The following OTUD5 variants were observed in gnomAD, a reference collection of about 807,000 sequenced individuals.
The protein encoded by OTUD5 is OTU deubiquitinase 5.
A neutral mutation model predicts 36.3 loss-of-function variants in OTUD5; 2 were observed. The observed-to-expected ratio is 0.06, with a 90% CI of 0.02 to 0.17. The LOEUF (loss-of-function observed/expected upper bound fraction) is 0.17, where lower values mean the gene tolerates loss of function less well. Among genes scored for constraint, OTUD5 ranks in the 10% least tolerant of loss-of-function variants. The probability of loss-of-function intolerance (pLI) is 1.00; values close to 1 mark genes in which losing one functional copy is unlikely to be tolerated. For synonymous variants in OTUD5, 234 were observed against 214.9 expected, an observed-to-expected ratio of 1.09 and a Z score of -0.78; for missense variants, 233 against 512.3, an observed-to-expected ratio of 0.45 and a Z score of 5.26.
intron 1 of OTUD5, among the ~76,000 whole-genome samples, chrX:48,946,144 A>G (rs982153884): frequency 8.9e-6 from 1 of 111,913 alleles, no homozygotes; most frequent in Non-Finnish European, 1.9e-5. Context: ...TCCCCTAAGA[A>G]AGCCAGAGGA....
intron 1 of OTUD5, among the ~76,000 whole-genome samples, chrX:48,950,770 G>A (rs1190754417): frequency 9.2e-6 from 1 of 109,059 alleles, no homozygotes; most frequent in East Asian, 2.9e-4. Flanking sequence ...TACTATCTTG[G>A]CCAGGCTGGT....
intron 2 of OTUD5, chrX:48,940,596 G>A (rs1044990440): frequency 1.8e-5 from 2 of 112,162 alleles, no homozygotes; most frequent in Non-Finnish European, 3.8e-5. Flanking sequence ...AAACAACCAT[G>A]TGGCCTTCAC....
chrX:48,954,835 G>A (rs1363396603), intron 1 of OTUD5, among the ~76,000 whole-genome samples: 4 of 112,365 alleles, frequency 3.6e-5, no homozygotes, highest in African/African-American at 1.3e-4. Context: ...GGTTTCAGAA[G>A]GGAGGCTCCA....
At chrX:48,933,455 G>T (rs782218223) in intron 5 of OTUD5, among the ~76,000 whole-genome samples, 1 of 102,610 alleles carries the variant, frequency 9.7e-6, no homozygotes, top group African/African-American at 3.6e-5. Context: ...TCATTCTGTC[G>T]CCCAAGCTGG....
rs1271874665 is a variant in OTUD5 at position 48,923,984 on chromosome X, A to G, written c.1332T>C (p.Thr444=). The part of the protein sequence containing the change: ...AAASSGLEEW[T]SRSPRQRSSA... ...AACTCCGCTGCCGCGGGGACCGGCT[A>G]GTCCACTCCTCCAGGCCACTGGAGG... Residue 444 remains threonine, a synonymous_variant, in exon 7 of 9, where the codon ACT becomes ACC. Transcript: ENST00000376488. The G allele has an allele frequency of 5.0e-6, 6 of 1,208,157 alleles. No individual in the cohort carries two copies. The African/African-American group carries it at 8.7e-5, about 18-fold the overall frequency.
rs782167340 is a variant in OTUD5, at chrX:48,955,237, T to G, written c.594+1740A>C. On this transcript the variant is annotated intron_variant, in intron 1 of 8. Transcript: ENST00000376488. Reference sequence around the variant, plus strand: ...CTAAATGACCCCTAAGACTAGGGTGTATGTAAGTTGTCTGAGGTGAGGTGA... The same window carrying G: ...CTAAATGACCCCTAAGACTAGGGTGGATGTAAGTTGTCTGAGGTGAGGTGA... Among the ~76,000 whole-genome samples, 4 of 111,508 alleles carry G rather than the reference T, an allele frequency of 3.6e-5. No homozygotes were observed. In the East Asian group the frequency reaches 1.1e-3, roughly 32 times the overall value.
chrX:48,954,680 A>C (rs2064205439), intron 1 of OTUD5, among the ~76,000 whole-genome samples: 1 of 111,534 alleles, frequency 9.0e-6, no homozygotes, highest in South Asian at 3.7e-4. Context: ...GTGGGAGGAG[A>C]ATTTCCCCAG....
chrX:48,924,902 G>C (rs2063639888), intron 6 of OTUD5, among the ~76,000 whole-genome samples: 1 of 111,700 alleles, frequency 9.0e-6, no homozygotes, highest in Non-Finnish European at 1.9e-5. Context: ...CGGGGATCTT[G>C]GTCTGCTGGG....
intron 6 of OTUD5, among the ~76,000 whole-genome samples, chrX:48,925,293 A>C (rs2063648795): frequency 9.3e-6 from 1 of 107,792 alleles, no homozygotes; most frequent in Non-Finnish European, 1.9e-5. Flanking sequence ...AAAAAAAAAA[A>C]AAAAAACTCA....
At chrX:48,938,122 A>C (rs181553626) in intron 2 of OTUD5, among the ~76,000 whole-genome samples, 6 of 112,167 alleles carry the variant, frequency 5.3e-5, no homozygotes. Context: ...TAAAATGTAA[A>C]ATACCACCTT....
At chrX:48,957,608 G>A (rs781856411), upstream of OTUD5, 52 of 810,378 alleles carry the variant, frequency 6.4e-5, no homozygotes, top group African/African-American at 9.0e-4. Context: ...AACCCGGCGC[G>A]GGGCACGCCG....
rs139351066 is a variant in OTUD5 at position 48,941,893 on chromosome X, T to C, written c.688+2297A>G. Among the ~76,000 whole-genome samples the C allele has an allele frequency of 8.9e-3, 989 of 111,600 alleles. 7 individuals are homozygous for C. The highest frequency in any genetic ancestry group is 0.031 in the South Asian group (84 of 2,697). On this transcript the variant is annotated intron_variant, in intron 2 of 8. Coordinates refer to ENST00000376488, the MANE Select transcript of OTUD5 (RefSeq NM_001136157.2). The stretch of plus-strand genomic sequence containing the variant: ...ACCAAGGAAACCTCCAGATAAGGTC[T>C]AGAGACCAAGGGCCATGTACTTCGG...
At position 48,951,742 on chromosome X, in the gene OTUD5, A is replaced by T. The variant is rs183773478; in HGVS notation, c.594+5235T>A. Among the ~76,000 whole-genome samples the T allele has an allele frequency of 6.2e-5, 7 of 112,135 alleles. No individual in the cohort carries two copies. In the Admixed American group the frequency reaches 6.6e-4, roughly 11 times the overall value. On this transcript the variant is annotated intron_variant, in intron 1 of 8. Transcript: ENST00000376488. ...GCCCCAACATTTGGCTAGGCCACTGAGGGCAGGGGGATTAAAAACCTCTAA... is the reference window on the plus strand; with the variant it reads ...GCCCCAACATTTGGCTAGGCCACTGTGGGCAGGGGGATTAAAAACCTCTAA...
intron 2 of OTUD5, among the ~76,000 whole-genome samples, chrX:48,936,643 T>C (rs2063834452): frequency 1.8e-5 from 2 of 111,370 alleles, no homozygotes. Flanking sequence ...CACACTGGGC[T>C]CCCACAGAAG....
intron 1 of OTUD5, among the ~76,000 whole-genome samples, chrX:48,955,065 GCCCCCAGT>G (rs2064212889): frequency 9.0e-6 from 1 of 111,728 alleles, no homozygotes; most frequent in African/African-American, 3.3e-5. Flanking sequence ...TGGGAGCCAG[GCCCCCAGT>G]CCCTAAGGCA....
chrX:48,934,774 T>C lies in OTUD5; in HGVS notation c.847A>G (p.Ile283Val). 1 of 1,209,242 alleles carries C rather than the reference T, an allele frequency of 8.3e-7. No individual in the cohort carries two copies. Among genetic ancestry groups the C allele is most frequent in the Non-Finnish European group, 1.1e-6 (1 of 893,243 alleles). The change falls in exon 4 of 9, where the codon ATT (isoleucine) becomes GTT (valine). Residue 283 changes from isoleucine to valine, a missense_variant. Physicochemically the swap from Ile to Val is conservative, Grantham distance 29 (BLOSUM62 3). Transcript: ENST00000376488. Reference sequence around the variant, plus strand: ...ATCTCTGCCATGGCCTGCATCTCAATGTGGTTGCCATGGCAATTGTTTTTC... The same window carrying C: ...ATCTCTGCCATGGCCTGCATCTCAACGTGGTTGCCATGGCAATTGTTTTTC... The part of the protein sequence containing the change: ...KRKNNCHGNH[I>V]EMQAMAEMYN...
At chrX:48,931,778 T>TAA (rs782091153) in intron 5 of OTUD5, among the ~76,000 whole-genome samples, 2 of 81,239 alleles carry the variant, frequency 2.5e-5, no homozygotes, top group African/African-American at 4.6e-5. Flanking sequence ...AACTCTGCCT[T>TAA]AAAAAAAAAA....
intron 5 of OTUD5, 87 bp from the exon 6 acceptor site, chrX:48,926,137 GGCCCC>G: frequency 1.4e-6 from 1 of 710,225 alleles, no homozygotes. Context: ...TAGGCCCACA[GGCCCC>G]AGAAAAAAAA....
intron 6 of OTUD5, among the ~76,000 whole-genome samples, chrX:48,924,780 C>T (rs782425263): frequency 8.9e-6 from 1 of 111,990 alleles, no homozygotes; most frequent in Admixed American, 9.5e-5. Flanking sequence ...CACATTCCTG[C>T]TCAGCCCCTT....
Sources: gnomAD v4.1 joint callset for allele counts (sites outside exome capture counted in the v4.1 genomes callset) on GRCh38, gnomAD v4.1.1 for gene constraint, MANE v1.5 for transcripts, NCBI Gene and HGNC (gene_info 2026-07-23, HGNC 2026-07-21) for gene names.